SLC9A9: variants seen among roughly 807,000 people sequenced by gnomAD.
The protein encoded by SLC9A9 is sodium/hydrogen exchanger 9.
A neutral mutation model predicts 77.8 loss-of-function variants in SLC9A9; 62 were observed. The observed-to-expected ratio is 0.80, with a 90% CI of 0.65 to 0.98. The LOEUF is 0.98. SLC9A9 is among the 50% of genes least tolerant of loss of function. The probability of loss-of-function intolerance (pLI) is 0.00; values close to 1 mark genes in which losing one functional copy is unlikely to be tolerated. For synonymous variants in SLC9A9, 320 were observed against 283.5 expected, an observed-to-expected ratio of 1.13 and a Z score of -1.29; for missense variants, 775 against 774.9, an observed-to-expected ratio of 1.00 and a Z score of 0.00.
intron 14 of SLC9A9, among the ~76,000 whole-genome samples, chr3:143,328,118 T>C (rs1004980898): frequency 7.9e-5 from 12 of 152,322 alleles, no homozygotes; most frequent in Admixed American, 2.0e-4. Context: ...TATGATACTA[T>C]AGTGGTAGAT....
chr3:143,694,032 T>C (rs769191850), intron 4 of SLC9A9, among the ~76,000 whole-genome samples: 3 of 152,116 alleles, frequency 2.0e-5, no homozygotes, highest in Non-Finnish European at 4.4e-5. Context: ...AACTGACTGA[T>C]TGATTTTGCT....
intron 1 of SLC9A9, among the ~76,000 whole-genome samples, chr3:143,843,620 A>G (rs1559824208): frequency 6.6e-6 from 1 of 152,198 alleles, no homozygotes. Context: ...AGTCAAAGGC[A>G]GAATTCTAAG....
intron 9 of SLC9A9, among the ~76,000 whole-genome samples, chr3:143,501,227 T>A (rs2035918793): frequency 6.6e-6 from 1 of 150,658 alleles, no homozygotes; most frequent in Admixed American, 6.6e-5. Context: ...CAGCCTATAT[T>A]TTAGGGAGTT....
intron 6 of SLC9A9, among the ~76,000 whole-genome samples, chr3:143,628,720 A>G (rs947633228): frequency 2.6e-5 from 4 of 152,264 alleles, no homozygotes; most frequent in East Asian, 1.9e-4. Context: ...TTGAACTGCA[A>G]AATAATTTTA....
intron 6 of SLC9A9, among the ~76,000 whole-genome samples, chr3:143,618,794 A>C (rs908500953): frequency 6.6e-6 from 1 of 152,216 alleles, no homozygotes. Context: ...TGAACACAGA[A>C]ATAATATCAA....
intron 14 of SLC9A9, chr3:143,313,039 G>A (rs1462762879): frequency 9.9e-5 from 15 of 152,196 alleles, no homozygotes; most frequent in Non-Finnish European, 1.5e-5. Flanking sequence ...AACATAGGCT[G>A]AGGAAGTTAA....
intron 12 of SLC9A9, among the ~76,000 whole-genome samples, chr3:143,385,057 T>G (rs1016283882): frequency 1.3e-5 from 2 of 152,206 alleles, no homozygotes; most frequent in African/African-American, 4.8e-5. Flanking sequence ...ACTGGTCCCA[T>G]AAAGTCTGAC....
intron 12 of SLC9A9, among the ~76,000 whole-genome samples, chr3:143,406,460 C>T (rs2033982807): frequency 6.6e-6 from 1 of 151,844 alleles, no homozygotes; most frequent in Non-Finnish European, 1.5e-5. Context: ...TCACTGCAAC[C>T]TCCGCCTCCT....
At chr3:143,329,767 T>G (rs7431032) in intron 14 of SLC9A9, among the ~76,000 whole-genome samples, 105,474 of 151,816 alleles carry the variant, frequency 0.69, 38,332 homozygotes, top group African/African-American at 0.91. Flanking sequence ...GCATCCCAGC[T>G]GCAGGACCTG....
chr3:143,471,682 A>G (rs549388056), intron 11 of SLC9A9, among the ~76,000 whole-genome samples: 244 of 152,220 alleles, frequency 1.6e-3, no homozygotes, highest in Middle Eastern at 6.8e-3. Context: ...TGGCCAACTA[A>G]TCAAAATAAT....
chr3:143,295,386 A>G (rs1346200931), intron 14 of SLC9A9, among the ~76,000 whole-genome samples: 1 of 152,188 alleles, frequency 6.6e-6, no homozygotes, highest in Admixed American at 6.5e-5. Flanking sequence ...CAGCAGTAAA[A>G]GCTACTAGAA....
chr3:143,617,872 G>A (rs928468026), intron 6 of SLC9A9, among the ~76,000 whole-genome samples: 2 of 152,228 alleles, frequency 1.3e-5, no homozygotes, highest in Non-Finnish European at 1.5e-5. Flanking sequence ...CTGATCCTGA[G>A]ACGCCAGGCA....
chr3:143,550,514 C>T (rs2036863306), intron 9 of SLC9A9, among the ~76,000 whole-genome samples: 2 of 152,112 alleles, frequency 1.3e-5, no homozygotes, highest in African/African-American at 4.8e-5. Context: ...GATACAAGCA[C>T]AGTATGGAAA....
chr3:143,648,347 T>G (rs1234269440), intron 6 of SLC9A9, among the ~76,000 whole-genome samples: 3 of 152,150 alleles, frequency 2.0e-5, no homozygotes, highest in African/African-American at 7.2e-5. Context: ...ATGAAAGGCA[T>G]TCCTCAGGCA....
At chr3:143,337,538 T>C (rs1293679911) in intron 14 of SLC9A9, among the ~76,000 whole-genome samples, 1 of 152,224 alleles carries the variant, frequency 6.6e-6, no homozygotes, top group Non-Finnish European at 1.5e-5. Flanking sequence ...CACAGGACTG[T>C]GGACTTTCCC....
chr3:143,503,721 C>T, intron 9 of SLC9A9: 1 of 368,004 alleles, frequency 2.7e-6, no homozygotes. Flanking sequence ...CCATGGTCTT[C>T]TAGGTGGCAT....
intron 2 of SLC9A9, among the ~76,000 whole-genome samples, chr3:143,817,567 T>G (rs905105061): frequency 3.3e-5 from 5 of 152,230 alleles, no homozygotes; most frequent in African/African-American, 1.2e-4. Context: ...TCTCCTAAAG[T>G]TATATAGTTT....
At chr3:143,658,793 T>G (rs985521635) in intron 5 of SLC9A9, among the ~76,000 whole-genome samples, 3 of 152,134 alleles carry the variant, frequency 2.0e-5, no homozygotes, top group Non-Finnish European at 4.4e-5. Flanking sequence ...GTCATGCAGT[T>G]TGGATTAAGA....
intron 13 of SLC9A9, among the ~76,000 whole-genome samples, chr3:143,365,899 A>C (rs533476499): frequency 6.6e-6 from 1 of 152,290 alleles, no homozygotes; most frequent in African/African-American, 2.4e-5. Context: ...AGTTATGAAA[A>C]GCTTGGGGCC....
Sources: gnomAD v4.1 joint callset for allele counts (sites outside exome capture counted in the v4.1 genomes callset) on GRCh38, gnomAD v4.1.1 for gene constraint, MANE v1.5 for transcripts, NCBI Gene and HGNC (gene_info 2026-07-23, HGNC 2026-07-21) for gene names.